Variants in STAB2 observed in about 807,000 individuals in gnomAD.
The protein encoded by STAB2 is stabilin 2, also known as stabilin-2.
Under a neutral mutation model 338.1 loss-of-function variants are expected in STAB2, and 288 were observed. The observed-to-expected ratio is 0.85, with a 90% CI of 0.77 to 0.94. STAB2 has a LOEUF of 0.94. STAB2 is among the 40% of genes least tolerant of loss of function. The probability of loss-of-function intolerance (pLI) is 0.00; values close to 1 mark genes in which losing one functional copy is unlikely to be tolerated. For synonymous variants in STAB2, 1,202 were observed against 1,193.3 expected, an observed-to-expected ratio of 1.01 and a Z score of -0.15; for missense variants, 3,141 against 3,210.1, an observed-to-expected ratio of 0.98 and a Z score of 0.52.
intron 67 of STAB2, 128 bp from the exon 68 acceptor site, chr12:103,763,364 T>C: frequency 1.4e-6 from 1 of 703,176 alleles, no homozygotes; most frequent in Non-Finnish European, 2.5e-6. Context: ...GAATCATCTC[T>C]CAACAAAGTA....
intron 5 of STAB2, among the ~76,000 whole-genome samples, chr12:103,623,090 G>A (rs893045233): frequency 2.0e-5 from 3 of 152,306 alleles, no homozygotes; most frequent in African/African-American, 7.2e-5. Flanking sequence ...TAGTTTATTT[G>A]AATGGTGATC....
At chr12:103,753,930 A>G (rs999025861) in intron 61 of STAB2, among the ~76,000 whole-genome samples, 1 of 152,210 alleles carries the variant, frequency 6.6e-6, no homozygotes, top group African/African-American at 2.4e-5. Flanking sequence ...ACAAGCTTTC[A>G]GATATGGCAG....
chr12:103,641,404 C>T (rs1872915020), intron 9 of STAB2, among the ~76,000 whole-genome samples: 1 of 152,216 alleles, frequency 6.6e-6, no homozygotes, highest in African/African-American at 2.4e-5. Context: ...AACTATACCT[C>T]CCACCAGGGC....
rs199904116 is a variant in STAB2 at position 103,758,143 on chromosome 12, C to G, written c.6988-27C>G. On this transcript the variant is annotated intron_variant, in intron 63 of 68. Transcript: ENST00000388887. ...GGTCCCTGCACACCAGGGCTGGCCCCTCTGATGACTTCCTTCTTCTCCCCA... is the reference window on the plus strand; with the variant it reads ...GGTCCCTGCACACCAGGGCTGGCCCGTCTGATGACTTCCTTCTTCTCCCCA... The G allele has an allele frequency of 3.7e-6, 6 of 1,613,688 alleles. No homozygotes were observed. The African/African-American group carries it at 5.3e-5, about 14-fold the overall frequency.
intron 39 of STAB2, chr12:103,711,245 A>G: frequency 1.7e-6 from 1 of 587,004 alleles, no homozygotes; most frequent in Middle Eastern, 4.4e-4. Flanking sequence ...TGCCTAGCAC[A>G]GGGCCTGGCA....
chr12:103,590,979 C>CGGAT lies in STAB2; in HGVS notation c.167_170dup (p.Tyr58TrpfsTer20). The CGGAT allele has an allele frequency of 6.2e-7, 1 of 1,613,972 alleles. No individual in the cohort carries two copies. The highest frequency in any genetic ancestry group is 2.2e-5 in the East Asian group (1 of 44,866). On this transcript the variant is annotated frameshift_variant, in exon 2 of 69. Transcript: ENST00000388887. LOFTEE classifies it high-confidence loss of function. ...GCTCTCAACCTTGGAGTCAAGTGCC[C>CGGAT]GGATGGTTACACCATGATTACCAGT...
intron 46 of STAB2, 68 bp downstream of exon 46, chr12:103,726,231 G>C: frequency 6.4e-7 from 1 of 1,555,398 alleles, no homozygotes; most frequent in South Asian, 1.1e-5. Context: ...GCTCACACCT[G>C]TAATTCCAAC....
Position 103,766,394 on chromosome 12 carries a change from A to C in STAB2, c.*58A>C. On this transcript the variant is annotated 3_prime_UTR_variant, in exon 69 of 69. Transcript: ENST00000388887. ...CTGCCACCTGGGCCATCAACTGTGA[A>C]TTCTCAGCACCAGTTGCCTTTTAGG... 1 of 1,556,468 alleles carries C rather than the reference A, an allele frequency of 6.4e-7. No homozygotes were observed. The highest frequency in any genetic ancestry group is 8.7e-7 in the Non-Finnish European group (1 of 1,148,378).
At chr12:103,640,283 C>T (rs1872825833) in intron 9 of STAB2, 27 bp downstream of exon 9, 3 of 1,596,134 alleles carry the variant, frequency 1.9e-6, no homozygotes, top group Non-Finnish European at 1.7e-6. Flanking sequence ...CCTCCACCAA[C>T]ATTTCCAAGT....
chr12:103,598,708 C>A (rs1243130978), intron 3 of STAB2, among the ~76,000 whole-genome samples: 1 of 152,100 alleles, frequency 6.6e-6, no homozygotes, highest in Non-Finnish European at 1.5e-5. Context: ...TCTATCCAGG[C>A]CATAAAATGA....
chr12:103,714,773 G>A (rs534814868), intron 42 of STAB2, among the ~76,000 whole-genome samples: 66 of 151,756 alleles, frequency 4.3e-4, no homozygotes, highest in Non-Finnish European at 8.1e-4. Flanking sequence ...AGTAATCTGT[G>A]TATATTGTAT....
At chr12:103,670,928 C>A in intron 22 of STAB2, 121 bp downstream of exon 22, 1 of 737,022 alleles carries the variant, frequency 1.4e-6, no homozygotes, top group Non-Finnish European at 2.3e-6. Context: ...ACCATCATCA[C>A]AGAGCATTCA....
At chr12:103,724,919 A>G (rs550566117) in intron 44 of STAB2, 56 bp from the exon 45 acceptor site, 3 of 1,588,358 alleles carry the variant, frequency 1.9e-6, no homozygotes, top group South Asian at 2.2e-5. Context: ...ATATCGGTAG[A>G]GCTGGCAAAC....
At chr12:103,694,175 G>C (rs535938636) in intron 31 of STAB2, among the ~76,000 whole-genome samples, 1 of 152,226 alleles carries the variant, frequency 6.6e-6, no homozygotes, top group South Asian at 2.1e-4. Flanking sequence ...CTAAATCCCA[G>C]CCCACTTCAC....
In STAB2 at chr12:103,747,066, C is replaced by T. The variant is rs1472084431; in HGVS notation, c.6244+362C>T. Among the ~76,000 whole-genome samples the T allele has an allele frequency of 2.0e-5, 3 of 151,436 alleles. No homozygotes were observed. In the East Asian group the frequency reaches 5.8e-4, roughly 29 times the overall value. On this transcript the variant is annotated intron_variant, in intron 58 of 68. Coordinates refer to ENST00000388887, the MANE Select transcript of STAB2 (RefSeq NM_017564.10). ...CCGCTTCCCAGGTTCAAGCAATTCT[C>T]CTGCCTCAGCCTCCCAAGTAGCTGG...
chr12:103,721,665 AC>A (rs1880775722), intron 44 of STAB2, among the ~76,000 whole-genome samples: 1 of 152,206 alleles, frequency 6.6e-6, no homozygotes, highest in South Asian at 2.1e-4. Context: ...GGGTGGTATG[AC>A]TAGAGCTATA....
At chr12:103,684,674 C>T (rs568763883) in intron 26 of STAB2, among the ~76,000 whole-genome samples, 5 of 152,276 alleles carry the variant, frequency 3.3e-5, no homozygotes, top group African/African-American at 9.6e-5. Flanking sequence ...CACAAGTATG[C>T]CCCAAATATT....
intron 21 of STAB2, among the ~76,000 whole-genome samples, chr12:103,670,020 A>G (rs1215087826): frequency 6.6e-6 from 1 of 152,246 alleles, no homozygotes; most frequent in African/African-American, 2.4e-5. Flanking sequence ...ACCTATGAGC[A>G]AAACCTAGTG....
chr12:103,745,198 G>T lies in STAB2; in HGVS notation c.6057G>T (p.Gln2019His), dbSNP rs1201504333. The T allele has an allele frequency of 1.9e-6, 3 of 1,614,088 alleles. No homozygotes were observed. The South Asian group carries it at 3.3e-5, about 18-fold the overall frequency. ...CLPCGCSDHG[Q>H]CDDGITGSGQ... ...CCTGTGGCTGCTCAGACCACGGACA[G>T]TGCGATGATGGCATCACGGGCTCCG... The change falls in exon 57 of 69, where the codon CAG becomes CAT. Residue 2019 changes from glutamine (Q) to histidine (H), a missense_variant. Coordinates refer to ENST00000388887, the MANE Select transcript of STAB2 (RefSeq NM_017564.10).
Sources: gnomAD v4.1 joint callset for allele counts (sites outside exome capture counted in the v4.1 genomes callset) on GRCh38, gnomAD v4.1.1 for gene constraint, MANE v1.5 for transcripts, NCBI Gene and HGNC (gene_info 2026-07-23, HGNC 2026-07-21) for gene names.